The following RAD51B variants were observed in gnomAD, a reference collection of about 807,000 sequenced individuals.
RAD51B encodes the protein DNA repair protein RAD51 homolog 2.
RAD51B carries 38 observed loss-of-function variants against 42.2 expected under a neutral mutation model. That is an observed-to-expected ratio of 0.90 (90% CI 0.70 to 1.18). The LOEUF (loss-of-function observed/expected upper bound fraction) is 1.18. Among genes scored for constraint, RAD51B ranks in the 50% most tolerant of loss-of-function variants. The pLI, the probability that RAD51B is intolerant of heterozygous loss-of-function variation, is 0.00. For missense variants in RAD51B, 373 were observed against 400.7 expected (o/e 0.93, Z 0.59); for synonymous variants, 154 against 145.2 (o/e 1.06, Z -0.43).
chr14:68,550,098 CCTTTCACTCACTGGAG>C (rs1888456727), intron 10 of RAD51B, among the ~76,000 whole-genome samples: 1 of 152,220 alleles, frequency 6.6e-6, no homozygotes, highest in African/African-American at 2.4e-5. Context: ...GGCTCTGCCC[CCTTTCACTCACTGGAG>C]TGCTCACTTC....
intron 7 of RAD51B, among the ~76,000 whole-genome samples, chr14:68,279,330 A>G (rs1397075182): frequency 6.6e-6 from 1 of 152,266 alleles, no homozygotes; most frequent in East Asian, 1.9e-4. Flanking sequence ...TGATGAAGGC[A>G]GGACGGCTTC....
At chr14:68,550,624 G>T (rs1451267477) in intron 10 of RAD51B, among the ~76,000 whole-genome samples, 1 of 152,188 alleles carries the variant, frequency 6.6e-6, no homozygotes, top group African/African-American at 2.4e-5. Context: ...TCTTTTAGTG[G>T]ATTAGCAATT....
At chr14:68,141,091 G>C (rs554181986) in intron 7 of RAD51B, among the ~76,000 whole-genome samples, 1 of 152,320 alleles carries the variant, frequency 6.6e-6, no homozygotes, top group South Asian at 2.1e-4. Context: ...CCTTGTTACT[G>C]TGCCAAGAGT....
At position 68,262,642 on chromosome 14, in the gene RAD51B, T is replaced by C. The variant is rs536163021; in HGVS notation, c.757-29242T>C. On this transcript the variant is annotated intron_variant, in intron 7 of 10. Transcript: ENST00000471583. ...TTTTCTCTACAACTCTTGGTAGTGATGGGGTTCAGGACACACTACCCCACA... is the reference window on the plus strand; with the variant it reads ...TTTTCTCTACAACTCTTGGTAGTGACGGGGTTCAGGACACACTACCCCACA... Among the ~76,000 whole-genome samples, 104 of 152,284 alleles carry C rather than the reference T, an allele frequency of 6.8e-4. 1 individual carries two copies. Among genetic ancestry groups the C allele is most frequent in the Non-Finnish European group, 1.3e-3 (88 of 68,034 alleles).
intron 11 of RAD51B, among the ~76,000 whole-genome samples, chr14:68,669,863 G>A (rs1893116783): frequency 6.6e-6 from 1 of 152,204 alleles, no homozygotes; most frequent in South Asian, 2.1e-4. Context: ...GATGAGACAA[G>A]GACCTGCGAC....
At chr14:68,086,462 G>T (rs1031130312) in intron 7 of RAD51B, among the ~76,000 whole-genome samples, 1 of 152,282 alleles carries the variant, frequency 6.6e-6, no homozygotes, top group Middle Eastern at 3.4e-3. Flanking sequence ...CAAGGCAGAA[G>T]TGCCTATACT....
chr14:67,982,876 C>A (rs749190727), intron 7 of RAD51B, among the ~76,000 whole-genome samples: 5 of 151,946 alleles, frequency 3.3e-5, no homozygotes, highest in Non-Finnish European at 7.4e-5. Context: ...CCAGCCCAGG[C>A]AACATAGTGA....
intron 7 of RAD51B, among the ~76,000 whole-genome samples, chr14:68,039,457 A>G (rs1278579785): frequency 6.6e-6 from 1 of 151,262 alleles, no homozygotes; most frequent in Non-Finnish European, 1.5e-5. Context: ...AGTGTGTTAT[A>G]TATCTATAAC....
intron 10 of RAD51B, among the ~76,000 whole-genome samples, chr14:68,625,063 G>A (rs78653700): frequency 0.013 from 1,924 of 152,240 alleles, 39 homozygotes; most frequent in African/African-American, 0.044. Flanking sequence ...TAGCTTGCAC[G>A]AGGTCACACA....
chr14:67,897,708 G>T (rs1334331201), intron 7 of RAD51B, among the ~76,000 whole-genome samples: 2 of 150,784 alleles, frequency 1.3e-5, no homozygotes, highest in African/African-American at 4.9e-5. Flanking sequence ...GGAGTGCAAT[G>T]GCGCCATCTC....
chr14:68,206,315 G>A (rs1183177473), intron 7 of RAD51B, among the ~76,000 whole-genome samples: 1 of 152,044 alleles, frequency 6.6e-6, no homozygotes, highest in Non-Finnish European at 1.5e-5. Context: ...CCTTTGTGTA[G>A]GTACTGTTTT....
chr14:68,275,580 G>T (rs952884242), intron 7 of RAD51B, among the ~76,000 whole-genome samples: 2 of 152,104 alleles, frequency 1.3e-5, no homozygotes, highest in Non-Finnish European at 2.9e-5. Flanking sequence ...ATCAGGATAC[G>T]CATGGATGAC....
intron 10 of RAD51B, among the ~76,000 whole-genome samples, chr14:68,593,049 C>T (rs1467896396): frequency 6.6e-6 from 1 of 152,214 alleles, no homozygotes; most frequent in African/African-American, 2.4e-5. Context: ...AGAAGCAAGA[C>T]AGAGTCCTGT....
chr14:68,363,162 A>C (rs1236695615), intron 8 of RAD51B, among the ~76,000 whole-genome samples: 1 of 152,252 alleles, frequency 6.6e-6, no homozygotes, highest in African/African-American at 2.4e-5. Flanking sequence ...TTTTGGGTAC[A>C]AGATAGTTTT....
At chr14:67,847,263 C>T (rs139798313) in intron 4 of RAD51B, among the ~76,000 whole-genome samples, 16 of 151,938 alleles carry the variant, frequency 1.1e-4, no homozygotes, top group African/African-American at 3.6e-4. Context: ...CCATCTTGCC[C>T]CAGGGTCTTC....
chr14:68,601,018 T>G (rs1394843057), intron 10 of RAD51B, among the ~76,000 whole-genome samples: 1 of 152,102 alleles, frequency 6.6e-6, no homozygotes, highest in Non-Finnish European at 1.5e-5. Context: ...GTTTGGAAAT[T>G]TTGTTATTGT....
rs538124289 is a variant in RAD51B at position 68,363,670 on chromosome 14, C to T, written c.854-47754C>T. On this transcript the variant is annotated intron_variant, in intron 8 of 10. Coordinates refer to ENST00000471583, the MANE Select transcript of RAD51B (RefSeq NM_133510.4). Reference sequence around the variant, plus strand: ...TGTGGCTCAAGGAGGAGGGTTGGGCCGGTATCATCTCTGAAGGTAAAATGC... The same window carrying T: ...TGTGGCTCAAGGAGGAGGGTTGGGCTGGTATCATCTCTGAAGGTAAAATGC... Among the ~76,000 whole-genome samples the T allele has an allele frequency of 1.1e-3, 168 of 152,218 alleles. 1 individual carries two copies. Among genetic ancestry groups the T allele is most frequent in the Non-Finnish European group, 1.5e-3 (102 of 68,026 alleles).
chr14:68,561,524 G>A (rs1889146577), intron 10 of RAD51B, among the ~76,000 whole-genome samples: 1 of 152,226 alleles, frequency 6.6e-6, no homozygotes, highest in Admixed American at 6.5e-5. Context: ...AAGAATAGCA[G>A]TGTGAGGATT....
rs186058504 is a variant in RAD51B, at chr14:68,453,775, C to T, written c.958-14397C>T. On this transcript the variant is annotated intron_variant, in intron 9 of 10. Coordinates refer to ENST00000471583, the MANE Select transcript of RAD51B (RefSeq NM_133510.4). ...TCCAGTTATTGACTCTACAGTGGAT[C>T]CCACCGTTTACAAATGCTGTGTATA... Among the ~76,000 whole-genome samples, 907 of 152,254 alleles carry T rather than the reference C, an allele frequency of 6.0e-3. 11 individuals carry two copies. Among genetic ancestry groups the T allele is most frequent in the African/African-American group, 0.021 (853 of 41,552 alleles).
Sources: gnomAD v4.1 joint callset for allele counts (sites outside exome capture counted in the v4.1 genomes callset) on GRCh38, gnomAD v4.1.1 for gene constraint, MANE v1.5 for transcripts, NCBI Gene and HGNC (gene_info 2026-07-23, HGNC 2026-07-21) for gene names.